SLC38A11: variants seen among roughly 807,000 people sequenced by gnomAD.
The protein encoded by SLC38A11 is solute carrier family 38 member 11.
In SLC38A11, 51 loss-of-function variants were observed where a neutral mutation model predicts 49.4. That is an observed-to-expected ratio of 1.03 (90% CI 0.83 to 1.30). SLC38A11 has a LOEUF of 1.30. Among genes scored for constraint, SLC38A11 ranks in the 50% most tolerant of loss-of-function variants. SLC38A11 has a pLI of 0.00. For missense variants in SLC38A11, 574 were observed against 556.2 expected, an observed-to-expected ratio of 1.03 and a Z score of -0.32; for synonymous variants, 203 against 192.9, an observed-to-expected ratio of 1.05 and a Z score of -0.43.
At chr2:164,953,233 C>T (rs1257602918) in intron 2 of SLC38A11, 1 of 152,556 alleles carries the variant, frequency 6.6e-6, no homozygotes, top group African/African-American at 2.4e-5. Flanking sequence ...AATGGGGCTA[C>T]TATGTAGGAA....
chr2:164,938,784 A>T lies in SLC38A11; in HGVS notation c.537+666T>A, dbSNP rs185581682. On this transcript the variant is annotated intron_variant, in intron 6 of 11. Coordinates refer to ENST00000685975, the MANE Select transcript of SLC38A11 (RefSeq NM_001351537.2). ...AAATATTATATAAACAACTCTTTTT[A>T]AAAATATCTTATCAGAATGTTTGGC... Among the ~76,000 whole-genome samples, 185 of 152,320 alleles carry T rather than the reference A, an allele frequency of 1.2e-3. 13 individuals are homozygous for T. In the East Asian group the frequency reaches 0.035, roughly 29 times the overall value.
chr2:164,920,762 A>T (rs1301543613), intron 7 of SLC38A11, among the ~76,000 whole-genome samples: 1 of 152,124 alleles, frequency 6.6e-6, no homozygotes, highest in South Asian at 2.1e-4. Flanking sequence ...GGGATCATGG[A>T]TAGAGGGTAT....
At chr2:164,902,804 C>T (rs1421010340) in intron 11 of SLC38A11, among the ~76,000 whole-genome samples, 4 of 151,928 alleles carry the variant, frequency 2.6e-5, no homozygotes, top group African/African-American at 9.7e-5. Context: ...CAAAAGTGTC[C>T]AGAGAAAGAA....
At chr2:164,930,825 A>T (rs1463156527) in intron 7 of SLC38A11, among the ~76,000 whole-genome samples, 6 of 152,158 alleles carry the variant, frequency 3.9e-5, no homozygotes, top group African/African-American at 1.4e-4. Flanking sequence ...GGCTGAAAGC[A>T]TTCCACTTGA....
rs1330484110 is a variant in SLC38A11, at chr2:164,898,343, A to G, written c.*94T>C. ...CCAAGTCTTGATAAAAGCCAAAATA[A>G]TAATTTTATATAACATAAATACAGA... On this transcript the variant is annotated 3_prime_UTR_variant, in exon 12 of 12. Transcript: ENST00000685975. 17 of 960,964 alleles carry G rather than the reference A, an allele frequency of 1.8e-5. No individual in the cohort carries two copies. In the Admixed American group the frequency reaches 4.4e-4, roughly 25 times the overall value. 59.5% of individuals were successfully genotyped at this position (960,964 alleles called of 1,614,324 possible).
intron 2 of SLC38A11, among the ~76,000 whole-genome samples, chr2:164,953,684 T>C (rs757622932): frequency 1.4e-4 from 21 of 152,056 alleles, no homozygotes; most frequent in Non-Finnish European, 2.9e-4. Flanking sequence ...TCAAGAACCA[T>C]ATTAACTTGT....
At chr2:164,906,966 A>T (rs1297458463) in intron 11 of SLC38A11, among the ~76,000 whole-genome samples, 1 of 152,096 alleles carries the variant, frequency 6.6e-6, no homozygotes, top group East Asian at 1.9e-4. Context: ...CGAGTAAATG[A>T]TGACTTGGGA....
chr2:164,919,876 C>T (rs1028011153), intron 7 of SLC38A11, among the ~76,000 whole-genome samples: 4 of 152,096 alleles, frequency 2.6e-5, no homozygotes, highest in African/African-American at 7.2e-5. Context: ...AAATAGTATA[C>T]AGTATATACA....
intron 7 of SLC38A11, among the ~76,000 whole-genome samples, chr2:164,917,783 A>C (rs1180781770): frequency 6.6e-6 from 1 of 152,116 alleles, no homozygotes; most frequent in African/African-American, 2.4e-5. Context: ...ATTAGTAATA[A>C]AATGTAGAAG....
chr2:164,940,612 T>C (rs1385228676), intron 5 of SLC38A11, among the ~76,000 whole-genome samples: 5 of 151,334 alleles, frequency 3.3e-5, no homozygotes, highest in Admixed American at 2.6e-4. Context: ...TTTTCTTAGA[T>C]GGCTAATAAA....
intron 7 of SLC38A11, among the ~76,000 whole-genome samples, chr2:164,936,085 T>C (rs1687353201): frequency 6.6e-6 from 1 of 152,208 alleles, no homozygotes; most frequent in Non-Finnish European, 1.5e-5. Context: ...TTTTTTGTTA[T>C]GACATTCTGA....
intron 7 of SLC38A11, among the ~76,000 whole-genome samples, chr2:164,920,272 C>T (rs1686094602): frequency 9.8e-6 from 1 of 102,340 alleles, no homozygotes; most frequent in African/African-American, 3.8e-5. Flanking sequence ...CAGAGCAAGA[C>T]TCCGTTAAAA....
chr2:164,924,444 C>T (rs1163669705), intron 7 of SLC38A11, among the ~76,000 whole-genome samples: 1 of 152,146 alleles, frequency 6.6e-6, no homozygotes, highest in African/African-American at 2.4e-5. Context: ...GTACTCTAAA[C>T]CTCAGTGTCA....
rs772450203 is a variant in SLC38A11 at position 164,908,669 on chromosome 2, C to G, written c.1066G>C (p.Asp356His). The G allele has an allele frequency of 6.2e-7, 1 of 1,604,720 alleles. No homozygotes were observed. Among genetic ancestry groups the G allele is most frequent in the African/African-American group, 1.3e-5 (1 of 74,748 alleles). Residue 356 changes from aspartate (D) to histidine (H), a missense_variant, in exon 11 of 12, where the codon GAT (aspartate) becomes CAT (histidine). Transcript: ENST00000685975. ...AGTTCTAGAACTATCCCGAGGCAAT[C>G]AATCAGCAATGACACAAGCGTGGCT... ...TVATLVSLLI[D>H]CLGIVLELNG... is the part of the protein sequence containing the mutation.
chr2:164,932,191 A>G (rs1342044676), intron 7 of SLC38A11, among the ~76,000 whole-genome samples: 1 of 152,212 alleles, frequency 6.6e-6, no homozygotes, highest in African/African-American at 2.4e-5. Flanking sequence ...AAGAAATGTG[A>G]ATCAAAACCA....
In SLC38A11 at chr2:164,914,851, A is replaced by C. The variant is rs1479785818; in HGVS notation, c.850+261T>G. 4.6e-5 allele frequency among the ~76,000 whole-genome samples: 7 copies of C among 152,016 alleles called. No homozygotes were observed. The East Asian group carries it at 7.7e-4, about 17-fold the overall frequency. On this transcript the variant is annotated intron_variant, in intron 9 of 11. Transcript: ENST00000685975. ...CTGGTACCTTTGAAAATGAAGCTGC[A>C]GTGGAGGAAAGCCAAAAATCATGTG...
intron 7 of SLC38A11, among the ~76,000 whole-genome samples, chr2:164,928,103 G>A (rs1268102546): frequency 6.6e-6 from 1 of 152,146 alleles, no homozygotes; most frequent in Non-Finnish European, 1.5e-5. Context: ...TCCTCCCTGA[G>A]CATATATTAT....
chr2:164,915,155 G>A lies in SLC38A11; in HGVS notation c.807C>T (p.Phe269=). Residue 269 remains phenylalanine (F), a synonymous_variant, in exon 9 of 12, where the codon TTC becomes TTT. Transcript: ENST00000685975. ...SIVISVFICI[F]FATCGYLTFT... ...ATGTCAAGTATCCACATGTAGCAAA[G>A]AATATACAGATAAATACAGAAATCA... 1 of 1,611,528 alleles carries A rather than the reference G, an allele frequency of 6.2e-7. No homozygotes were observed. The highest frequency in any genetic ancestry group is 1.1e-5 in the South Asian group (1 of 90,634).
chr2:164,906,213 A>C (rs1357944070), intron 11 of SLC38A11, among the ~76,000 whole-genome samples: 1 of 152,218 alleles, frequency 6.6e-6, no homozygotes, highest in Non-Finnish European at 1.5e-5. Context: ...TTGTGGACTC[A>C]AACAAGATAT....
Sources: allele counts gnomAD v4.1 joint callset (sites outside exome capture counted in the v4.1 genomes callset), GRCh38; gene constraint gnomAD v4.1.1; transcripts MANE v1.5; gene names NCBI Gene and HGNC (gene_info 2026-07-23, HGNC 2026-07-21).